Variants in ST8SIA6 observed in about 807,000 individuals in gnomAD.
ST8SIA6 encodes ST8 alpha-N-acetyl-neuraminide alpha-2,8-sialyltransferase 6.
A neutral mutation model predicts 33.6 loss-of-function variants in ST8SIA6; 39 were observed. The ratio of observed to expected loss-of-function variants is 1.16; its 90% confidence interval spans 0.90 to 1.52. ST8SIA6 has a LOEUF of 1.52. Among genes scored for constraint, ST8SIA6 ranks in the 40% most tolerant of loss-of-function variants. The probability of loss-of-function intolerance (pLI) is 0.00; values close to 1 mark genes in which losing one functional copy is unlikely to be tolerated. For missense variants in ST8SIA6, 441 were observed against 443.8 expected (o/e 0.99, Z 0.06); for synonymous variants, 172 against 167.2 (o/e 1.03, Z -0.22).
Position 17,359,525 on chromosome 10 carries a change from A to G in ST8SIA6, c.366T>C (p.Tyr122=), listed in dbSNP as rs1333922553. Residue 122 remains tyrosine, a synonymous_variant, in exon 4 of 8, where the codon TAT becomes TAC. Coordinates refer to ENST00000377602, the MANE Select transcript of ST8SIA6 (RefSeq NM_001004470.3). ...SCPWKRQAEE[Y]ANFRAKLASC... Reference sequence around the variant, plus strand: ...ATGAAAAAAATTACCTAAAATTTGCATATTCTTCTGCTTGCCGTTTCCATG... The same window carrying G: ...ATGAAAAAAATTACCTAAAATTTGCGTATTCTTCTGCTTGCCGTTTCCATG... The G allele has an allele frequency of 3.1e-6, 5 of 1,602,064 alleles. No homozygotes were observed. The highest frequency in any genetic ancestry group is 1.1e-5 in the South Asian group (1 of 88,028).
rs1440875875 is a variant in ST8SIA6 at position 17,316,922 on chromosome 10, A to G, written c.*3956T>C. ...CCCAGCCTATTAACTTTAAGGTGTC[A>G]TTCACTGACTAGAACTCTTTCATTT... On this transcript the variant is annotated 3_prime_UTR_variant, in exon 8 of 8. Coordinates refer to ENST00000377602, the MANE Select transcript of ST8SIA6 (RefSeq NM_001004470.3). 6.6e-6 allele frequency among the ~76,000 whole-genome samples: 1 copy of G among 152,162 alleles called. No individual in the cohort carries two copies. The highest frequency in any genetic ancestry group is 1.5e-5 in the Non-Finnish European group (1 of 68,016).
intron 2 of ST8SIA6, among the ~76,000 whole-genome samples, chr10:17,425,439 C>T (rs1005279334): frequency 7.9e-5 from 12 of 151,886 alleles, no homozygotes; most frequent in East Asian, 3.9e-4. Flanking sequence ...CATGGTGGTG[C>T]GCCTGTAATC....
chr10:17,390,269 C>T (rs951679645), intron 3 of ST8SIA6, among the ~76,000 whole-genome samples: 4 of 152,142 alleles, frequency 2.6e-5, no homozygotes, highest in African/African-American at 9.7e-5. Flanking sequence ...AGCCATGAGC[C>T]ACCGCACCTG....
intron 2 of ST8SIA6, among the ~76,000 whole-genome samples, chr10:17,405,738 C>T (rs1406440017): frequency 2.6e-5 from 4 of 151,500 alleles, no homozygotes; most frequent in Non-Finnish European, 4.4e-5. Flanking sequence ...AAAACTTAGC[C>T]GGGCGTGGTA....
At chr10:17,413,141 T>C (rs929438228) in intron 2 of ST8SIA6, among the ~76,000 whole-genome samples, 5 of 152,324 alleles carry the variant, frequency 3.3e-5, no homozygotes, top group Middle Eastern at 3.4e-3. Flanking sequence ...TATCAAAGAT[T>C]GAATGCATTT....
At chr10:17,416,391 A>G (rs1851608947) in intron 2 of ST8SIA6, among the ~76,000 whole-genome samples, 1 of 152,174 alleles carries the variant, frequency 6.6e-6, no homozygotes, top group African/African-American at 2.4e-5. Context: ...CCAGATTGAT[A>G]TGTGCAGTTC....
At chr10:17,453,509 C>T (rs1269364239) in intron 2 of ST8SIA6, 50 bp downstream of exon 2, 1 of 1,247,748 alleles carries the variant, frequency 8.0e-7, no homozygotes, top group African/African-American at 1.6e-5. Flanking sequence ...GCCCCATGCC[C>T]GGCTCGCAGC....
chr10:17,381,234 G>A (rs1411262286), intron 3 of ST8SIA6, among the ~76,000 whole-genome samples: 2 of 151,970 alleles, frequency 1.3e-5, no homozygotes, highest in African/African-American at 4.8e-5. Context: ...TTTGCTATTT[G>A]ATTTTCATCT....
chr10:17,412,951 CTA>C (rs1351278753), intron 2 of ST8SIA6, among the ~76,000 whole-genome samples: 1 of 152,260 alleles, frequency 6.6e-6, no homozygotes, highest in South Asian at 2.1e-4. Context: ...TACTCCAAAA[CTA>C]TGTACATTAT....
At chr10:17,325,714 C>A (rs45540734) in intron 6 of ST8SIA6, among the ~76,000 whole-genome samples, 2,856 of 152,138 alleles carry the variant, frequency 0.019, 30 homozygotes, top group African/African-American at 0.023. Context: ...CACGTCTAGC[C>A]CTCATTTTGC....
At chr10:17,409,282 C>T (rs1428508550) in intron 2 of ST8SIA6, 1 of 152,634 alleles carries the variant, frequency 6.6e-6, no homozygotes, top group Admixed American at 6.5e-5. Flanking sequence ...AAGTCTATAG[C>T]TCAACTTTTA....
At chr10:17,445,062 A>G (rs549255596) in intron 2 of ST8SIA6, among the ~76,000 whole-genome samples, 1 of 152,300 alleles carries the variant, frequency 6.6e-6, no homozygotes, top group Admixed American at 6.5e-5. Flanking sequence ...ATCTATTTGG[A>G]GCATGAGGTG....
chr10:17,348,326 G>A (rs11813718), intron 4 of ST8SIA6, among the ~76,000 whole-genome samples: 27,972 of 149,130 alleles, frequency 0.19, 2,673 homozygotes, highest in African/African-American at 0.22. Context: ...TCAGTCTTAT[G>A]TGTAATTACA....
intron 4 of ST8SIA6, among the ~76,000 whole-genome samples, chr10:17,332,539 A>G (rs1197602122): frequency 6.6e-6 from 1 of 152,186 alleles, no homozygotes; most frequent in Non-Finnish European, 1.5e-5. Flanking sequence ...ATCTTGGGTC[A>G]CTGCAACCTC....
At chr10:17,366,953 A>G (rs1320689221) in intron 3 of ST8SIA6, among the ~76,000 whole-genome samples, 2 of 152,236 alleles carry the variant, frequency 1.3e-5, no homozygotes, top group African/African-American at 4.8e-5. Flanking sequence ...AAGAAGAAAA[A>G]GCACAGATGG....
intron 3 of ST8SIA6, among the ~76,000 whole-genome samples, chr10:17,373,264 A>G (rs1416736646): frequency 1.3e-5 from 2 of 152,192 alleles, no homozygotes; most frequent in Admixed American, 6.5e-5. Flanking sequence ...TTTGTGTCCT[A>G]TAGTTCACCT....
chr10:17,334,119 G>C (rs1848425845), intron 4 of ST8SIA6, among the ~76,000 whole-genome samples: 1 of 151,608 alleles, frequency 6.6e-6, no homozygotes, highest in Non-Finnish European at 1.5e-5. Flanking sequence ...CTTAGGTAGG[G>C]ACCTACTCAC....
chr10:17,424,818 C>T (rs900215875), intron 2 of ST8SIA6, among the ~76,000 whole-genome samples: 3 of 151,384 alleles, frequency 2.0e-5, no homozygotes. Context: ...ACTGCAACTT[C>T]TGCCTCCCAG....
At chr10:17,362,798 G>A (rs904647444) in intron 3 of ST8SIA6, among the ~76,000 whole-genome samples, 9 of 151,796 alleles carry the variant, frequency 5.9e-5, no homozygotes, top group African/African-American at 1.9e-4. Flanking sequence ...TGCAACCTCC[G>A]CCTCCCAGGT....
Sources: allele counts gnomAD v4.1 joint callset (sites outside exome capture counted in the v4.1 genomes callset), GRCh38; gene constraint gnomAD v4.1.1; transcripts MANE v1.5; gene names NCBI Gene and HGNC (gene_info 2026-07-23, HGNC 2026-07-21).